Variants in ATF2 observed in about 807,000 individuals in gnomAD.
ATF2 encodes the protein activating transcription factor 2.
A neutral mutation model predicts 60.6 loss-of-function variants in ATF2; 24 were observed. The observed-to-expected ratio is 0.40, with a 90% CI of 0.29 to 0.56. ATF2 has a LOEUF of 0.56. ATF2 is among the 20% of genes least tolerant of loss of function. ATF2 has a pLI of 0.54. For synonymous variants in ATF2, 206 were observed against 215.4 expected (o/e 0.96, Z 0.38); for missense variants, 433 against 607.7 (o/e 0.71, Z 3.02).
intron 10 of ATF2, among the ~76,000 whole-genome samples, chr2:175,107,560 C>A (rs1695759729): frequency 6.6e-6 from 1 of 151,848 alleles, no homozygotes; most frequent in Admixed American, 6.6e-5. Flanking sequence ...GTCTCCCTCT[C>A]CCTCTCCCCA....
chr2:175,079,585 C>T (rs1176936736), intron 13 of ATF2, among the ~76,000 whole-genome samples: 1 of 151,958 alleles, frequency 6.6e-6, no homozygotes, highest in Non-Finnish European at 1.5e-5. Flanking sequence ...AATCAGCGTT[C>T]TAAATATATA....
chr2:175,136,351 A>G (rs984127777), intron 3 of ATF2, 61 bp downstream of exon 3: 12 of 1,490,118 alleles, frequency 8.1e-6, no homozygotes, highest in East Asian at 2.3e-5. Context: ...AACAAGCTAT[A>G]AAGATTTTTA....
chr2:175,083,277 T>C (rs1179133525), intron 12 of ATF2, among the ~76,000 whole-genome samples: 3 of 152,078 alleles, frequency 2.0e-5, no homozygotes, highest in African/African-American at 7.2e-5. Flanking sequence ...CAAAACAGCA[T>C]GGTACTGGTA....
At chr2:175,100,312 T>C (rs560227982) in intron 10 of ATF2, among the ~76,000 whole-genome samples, 2 of 152,370 alleles carry the variant, frequency 1.3e-5, no homozygotes, top group Admixed American at 6.5e-5. Flanking sequence ...TCCTTATTTC[T>C]TTTAAGAATA....
intron 10 of ATF2, 104 bp from the exon 11 acceptor site, chr2:175,097,697 T>C (rs1442891099): frequency 4.8e-6 from 6 of 1,238,252 alleles, no homozygotes; most frequent in African/African-American, 1.5e-5. Context: ...CTGAGTCCTT[T>C]TGCCTAGTAC....
At position 175,160,889 on chromosome 2, in the gene ATF2, C is replaced by A. The variant is rs376974444; in HGVS notation, c.-143+7161G>T. On this transcript the variant is annotated intron_variant, in intron 1 of 13. Coordinates refer to ENST00000264110, the MANE Select transcript of ATF2 (RefSeq NM_001880.4). The stretch of plus-strand genomic sequence containing the variant: ...CCCCATCTCTACAAAAATTTAAAAA[C>A]TAGCTGAGTGTGGTGGCATGTGAGT... Among the ~76,000 whole-genome samples the A allele has an allele frequency of 3.3e-4, 50 of 152,052 alleles. 1 individual carries two copies. Among genetic ancestry groups the A allele is most frequent in the African/African-American group, 1.1e-3 (47 of 41,494 alleles).
intron 5 of ATF2, among the ~76,000 whole-genome samples, chr2:175,120,782 A>ATG (rs1239736895): frequency 6.6e-6 from 1 of 151,708 alleles, no homozygotes; most frequent in Non-Finnish European, 1.5e-5. Context: ...ATATACATAG[A>ATG]TGTGTGTGTG....
chr2:175,136,636 C>T (rs996276936), intron 2 of ATF2, 150 bp from the exon 3 acceptor site: 2 of 579,432 alleles, frequency 3.5e-6, no homozygotes, highest in Non-Finnish European at 6.2e-6. Flanking sequence ...GAGTACTGCT[C>T]TTGAAATATC....
intron 3 of ATF2, among the ~76,000 whole-genome samples, chr2:175,136,015 G>C (rs917283979): frequency 9.8e-4 from 122 of 124,932 alleles, no homozygotes; most frequent in Admixed American, 2.4e-3. Flanking sequence ...TTCTTTCTTT[G>C]TTTTTTTTTT....
intron 11 of ATF2, among the ~76,000 whole-genome samples, chr2:175,093,830 G>A (rs896572705): frequency 2.0e-5 from 3 of 152,000 alleles, no homozygotes; most frequent in Non-Finnish European, 4.4e-5. Flanking sequence ...GTGAAATTTA[G>A]GGTCAGTCTT....
At chr2:175,132,829 C>A (rs996647863) in intron 3 of ATF2, 2 of 152,096 alleles carry the variant, frequency 1.3e-5, no homozygotes, top group African/African-American at 4.8e-5. Flanking sequence ...CTCATGCCTG[C>A]AATCCCAGCA....
intron 10 of ATF2, among the ~76,000 whole-genome samples, chr2:175,110,891 G>A (rs367866077): frequency 1.3e-5 from 2 of 152,294 alleles, no homozygotes; most frequent in African/African-American, 2.4e-5. Context: ...ACAGGTGTGA[G>A]CCACTGCGCC....
intron 4 of ATF2, among the ~76,000 whole-genome samples, chr2:175,123,332 A>G (rs1697099865): frequency 6.6e-6 from 1 of 152,062 alleles, no homozygotes; most frequent in South Asian, 2.1e-4. Context: ...CACTAAAAGC[A>G]TCTGAAAGTA....
chr2:175,156,178 C>G (rs1031512302), intron 1 of ATF2, among the ~76,000 whole-genome samples: 10 of 151,980 alleles, frequency 6.6e-5, no homozygotes, highest in Non-Finnish European at 2.9e-5. Context: ...CGAGACCAGC[C>G]TGGCCAACAT....
At chr2:175,086,125 AT>A (rs1479417703) in intron 12 of ATF2, among the ~76,000 whole-genome samples, 1 of 152,188 alleles carries the variant, frequency 6.6e-6, no homozygotes, top group Non-Finnish European at 1.5e-5. Flanking sequence ...ATTCAGTCCA[AT>A]TTTTTACATT....
At chr2:175,145,534 A>G (rs1432524988) in intron 2 of ATF2, among the ~76,000 whole-genome samples, 2 of 152,188 alleles carry the variant, frequency 1.3e-5, no homozygotes, top group African/African-American at 4.8e-5. Flanking sequence ...TGGAACCAGG[A>G]GCCAATTAAA....
chr2:175,157,199 C>G (rs970653156), intron 1 of ATF2, among the ~76,000 whole-genome samples: 2 of 152,202 alleles, frequency 1.3e-5, no homozygotes, highest in Non-Finnish European at 2.9e-5. Flanking sequence ...TGTCTCCTCA[C>G]AGTATTAACT....
At chr2:175,153,042 G>GT (rs767049628) in intron 1 of ATF2, among the ~76,000 whole-genome samples, 6 of 152,208 alleles carry the variant, frequency 3.9e-5, no homozygotes, top group South Asian at 4.1e-4. Flanking sequence ...AGTAATTGCG[G>GT]TTTTTTCCAT....
chr2:175,154,365 C>T (rs1418036793), intron 1 of ATF2, among the ~76,000 whole-genome samples: 1 of 151,836 alleles, frequency 6.6e-6, no homozygotes. Flanking sequence ...CACATCTTGT[C>T]CCACTAGGTC....
Sources: gnomAD v4.1 joint callset for allele counts (sites outside exome capture counted in the v4.1 genomes callset) on GRCh38, gnomAD v4.1.1 for gene constraint, MANE v1.5 for transcripts, NCBI Gene and HGNC (gene_info 2026-07-23, HGNC 2026-07-21) for gene names.